ZNRF3: variants seen among roughly 807,000 people sequenced by gnomAD.
The protein encoded by ZNRF3 is E3 ubiquitin-protein ligase ZNRF3.
In ZNRF3, 23 loss-of-function variants were observed where a neutral mutation model predicts 72.5. The observed-to-expected ratio is 0.32, with a 90% CI of 0.23 to 0.45. The LOEUF is 0.45. Among genes scored for constraint, ZNRF3 ranks in the 20% least tolerant of loss-of-function variants. ZNRF3 has a pLI of 1.00. For synonymous variants in ZNRF3, 610 were observed against 545.3 expected (o/e 1.12, Z -1.65); for missense variants, 1,169 against 1,272.1 (o/e 0.92, Z 1.23).
chr22:28,987,964 A>G (rs185554827), intron 2 of ZNRF3, among the ~76,000 whole-genome samples: 1 of 152,312 alleles, frequency 6.6e-6, no homozygotes, highest in African/African-American at 2.4e-5. Context: ...CCATCACTCC[A>G]TTTAGAAGTA....
intron 1 of ZNRF3, among the ~76,000 whole-genome samples, chr22:28,970,693 A>G (rs1347740197): frequency 6.6e-6 from 1 of 152,256 alleles, no homozygotes; most frequent in Non-Finnish European, 1.5e-5. Context: ...ACACTGACAC[A>G]TGGATGAACC....
At chr22:29,003,303 G>A (rs1370672963) in intron 2 of ZNRF3, among the ~76,000 whole-genome samples, 1 of 151,962 alleles carries the variant, frequency 6.6e-6, no homozygotes, top group Non-Finnish European at 1.5e-5. Flanking sequence ...GATCACGAGG[G>A]CAGGAGATAG....
rs966707137 is a variant in ZNRF3, at chr22:29,036,123, G to A, written c.427-6372G>A. Among the ~76,000 whole-genome samples the A allele has an allele frequency of 1.5e-4, 23 of 152,162 alleles. 1 individual carries two copies. The highest frequency in any genetic ancestry group is 5.8e-4 in the East Asian group (3 of 5,200). ...CATTATGTTAAAATGCTGGGATATA[G>A]GGGGTAACAGATGAGTTATTTTTTG... is the stretch of plus-strand genomic sequence containing the variant. On this transcript the variant is annotated intron_variant, in intron 2 of 8. Coordinates refer to ENST00000544604, the MANE Select transcript of ZNRF3 (RefSeq NM_001206998.2).
chr22:28,951,597 C>T (rs1164821261), intron 1 of ZNRF3, among the ~76,000 whole-genome samples: 1 of 152,154 alleles, frequency 6.6e-6, no homozygotes, highest in Non-Finnish European at 1.5e-5. Flanking sequence ...TGCAAGATGA[C>T]AAATTTCTTT....
At position 28,888,275 on chromosome 22, in the gene ZNRF3, T is replaced by C. The variant is rs149270585; in HGVS notation, c.300+4209T>C. On this transcript the variant is annotated intron_variant, in intron 1 of 8. Transcript: ENST00000544604. ...AACTAATTCCTCTGCTTTGTTTCCCTGTCAGTGTGCTTCTGCAGTTTAGCA... is the reference window on the plus strand; with the variant it reads ...AACTAATTCCTCTGCTTTGTTTCCCCGTCAGTGTGCTTCTGCAGTTTAGCA... Among the ~76,000 whole-genome samples the C allele has an allele frequency of 1.5e-3, 233 of 152,384 alleles. 1 individual carries two copies. The highest frequency in any genetic ancestry group is 5.2e-3 in the African/African-American group (216 of 41,600).
chr22:28,896,010 G>A (rs556463243), intron 1 of ZNRF3, among the ~76,000 whole-genome samples: 6,839 of 152,264 alleles, frequency 0.045, 218 homozygotes, highest in Non-Finnish European at 0.068. Context: ...GAGTGCAGTG[G>A]AGTGATCTTG....
chr22:29,022,710 T>A (rs2123862296), intron 2 of ZNRF3, among the ~76,000 whole-genome samples: 1 of 152,340 alleles, frequency 6.6e-6, no homozygotes, highest in Middle Eastern at 3.4e-3. Context: ...TTATTGTTGT[T>A]ACAGATACTC....
rs771116760 is a variant in ZNRF3, at chr22:29,050,721, A to G, written c.2540A>G (p.Gln847Arg). 2 of 1,611,302 alleles carry G rather than the reference A, an allele frequency of 1.2e-6. No homozygotes were observed. The highest frequency in any genetic ancestry group is 2.2e-5 in the South Asian group (2 of 90,806). Reference sequence around the variant, plus strand: ...GATCTGGGCCTGCCCTCGGACTGCCAAGGGACCCACAGCCTCGGCTCCTGG... The same window carrying G: ...GATCTGGGCCTGCCCTCGGACTGCCGAGGGACCCACAGCCTCGGCTCCTGG... ...DCDLGLPSDCQGTHSLGSWGG... is the reference protein window; with the variant it reads ...DCDLGLPSDCRGTHSLGSWGG... The change falls in exon 8 of 9, where the codon CAA becomes CGA. Residue 847 changes from glutamine (Q) to arginine (R), a missense_variant. Physicochemically the swap from Gln to Arg is conservative, Grantham distance 43. Transcript: ENST00000544604.
intron 8 of ZNRF3, among the ~76,000 whole-genome samples, chr22:29,052,820 T>C (rs1353597484): frequency 7.5e-6 from 1 of 133,822 alleles, no homozygotes; most frequent in East Asian, 2.4e-4. Flanking sequence ...AAAAAAAAAT[T>C]TAAAAAAAAA....
chr22:28,986,996 A>C, intron 1 of ZNRF3, 80 bp from the exon 2 acceptor site: 1 of 1,511,248 alleles, frequency 6.6e-7, no homozygotes, highest in Non-Finnish European at 8.8e-7. Flanking sequence ...TTTTGGCTAT[A>C]GCATCTGAGA....
chr22:29,055,124 A>G lies in ZNRF3; in HGVS notation c.*1502A>G, dbSNP rs2037277462. The G allele has an allele frequency of 6.5e-6, 1 of 152,694 alleles. No homozygotes were observed. Among genetic ancestry groups the G allele is most frequent in the Admixed American group, 6.5e-5 (1 of 15,270 alleles). The allele number at this position is 152,694 out of a possible 1,614,324, so 9.5% of individuals were successfully genotyped here. On this transcript the variant is annotated 3_prime_UTR_variant, in exon 9 of 9. Coordinates refer to ENST00000544604, the MANE Select transcript of ZNRF3 (RefSeq NM_001206998.2). ...AAGGTGTTTCATTTTTAAAAGGGAG[A>G]GAGAATCTATTTAAAGCTATTTCAG... is the stretch of plus-strand genomic sequence containing the variant.
At chr22:29,029,988 A>G in intron 2 of ZNRF3, among the ~76,000 whole-genome samples, 1 of 152,204 alleles carries the variant, frequency 6.6e-6, no homozygotes, top group East Asian at 1.9e-4. Context: ...TTTGGCCTGA[A>G]GTGGGACTTC....
At chr22:28,893,878 A>G (rs543741945) in intron 1 of ZNRF3, among the ~76,000 whole-genome samples, 1 of 152,324 alleles carries the variant, frequency 6.6e-6, no homozygotes, top group Admixed American at 6.5e-5. Flanking sequence ...CTTTTGCTAC[A>G]TATTTTTAGA....
In ZNRF3 at chr22:29,054,356, G is replaced by A. The variant is rs2037262558; in HGVS notation, c.*734G>A. 6.6e-6 allele frequency: 1 copy of A among 152,356 alleles called. No homozygotes were observed. Among genetic ancestry groups the A allele is most frequent in the Non-Finnish European group, 1.5e-5 (1 of 68,160 alleles). 9.4% of individuals were successfully genotyped at this position (152,356 alleles called of 1,614,324 possible). ...AAGCCGCTGCTATGAAAGCTCCAGG[G>A]TGATGGGGACGATTCTGCCCAGTGT... On this transcript the variant is annotated 3_prime_UTR_variant, in exon 9 of 9. Transcript: ENST00000544604.
intron 2 of ZNRF3, among the ~76,000 whole-genome samples, chr22:29,007,330 C>T (rs1165390324): frequency 6.6e-6 from 1 of 152,216 alleles, no homozygotes; most frequent in Non-Finnish European, 1.5e-5. Flanking sequence ...GTGGACAAAA[C>T]GTCCCACTGA....
chr22:29,036,489 C>T (rs1301753927), intron 2 of ZNRF3, among the ~76,000 whole-genome samples: 1 of 152,206 alleles, frequency 6.6e-6, no homozygotes, highest in Non-Finnish European at 1.5e-5. Context: ...AAACTCACTT[C>T]TTTCTCCCTT....
chr22:28,988,645 G>A (rs2035899148), intron 2 of ZNRF3, among the ~76,000 whole-genome samples: 3 of 152,204 alleles, frequency 2.0e-5, no homozygotes, highest in Admixed American at 2.0e-4. Flanking sequence ...CTGCTTAGTG[G>A]TGGTAGGAGA....
Position 29,050,632 on chromosome 22 carries a change from C to G in ZNRF3, c.2451C>G (p.Gly817=), listed in dbSNP as rs768562132. 3.1e-6 allele frequency: 5 copies of G among 1,611,422 alleles called. No homozygotes were observed. The highest frequency in any genetic ancestry group is 4.2e-6 in the Non-Finnish European group (5 of 1,179,342). The change falls in exon 8 of 9, where the codon GGC becomes GGG. Residue 817 remains glycine, a synonymous_variant. Coordinates refer to ENST00000544604, the MANE Select transcript of ZNRF3 (RefSeq NM_001206998.2). ...QYTLTEEPPP[G]CYPGARDLSQ... ...CGCTCACCGAGGAACCACCGCCCGG[C>G]TGCTACCCCGGGGCCCGGGACCTGA...
At chr22:28,933,481 T>C (rs2034750135) in intron 1 of ZNRF3, among the ~76,000 whole-genome samples, 1 of 152,146 alleles carries the variant, frequency 6.6e-6, no homozygotes, top group African/African-American at 2.4e-5. Context: ...CTCTGCCATG[T>C]TTAAACATTA....
Sources: gnomAD v4.1 joint callset for allele counts (sites outside exome capture counted in the v4.1 genomes callset) on GRCh38, gnomAD v4.1.1 for gene constraint, MANE v1.5 for transcripts, NCBI Gene and HGNC (gene_info 2026-07-23, HGNC 2026-07-21) for gene names.